The following C1GALT1 variants were observed in gnomAD, a reference collection of about 807,000 sequenced individuals.
C1GALT1 encodes the protein glycoprotein-N-acetylgalactosamine 3-beta-galactosyltransferase 1.
In C1GALT1, 11 loss-of-function variants were observed where a neutral mutation model predicts 31.0. That is an observed-to-expected ratio of 0.36 (90% CI 0.22 to 0.59). The LOEUF (loss-of-function observed/expected upper bound fraction) is 0.59. Among genes scored for constraint, C1GALT1 ranks in the 20% least tolerant of loss-of-function variants. C1GALT1 has a pLI of 0.79. For missense variants in C1GALT1, 424 were observed against 425.2 expected (o/e 1.00, Z 0.03); for synonymous variants, 175 against 143.6 (o/e 1.22, Z -1.56).
rs1783791591 is a variant in C1GALT1 at position 7,245,159 on chromosome 7, T to A, written c.*1432T>A. The stretch of plus-strand genomic sequence containing the variant: ...ATGGTACAAAGTATTTACATTTCCC[T>A]CATGTTTATCATTATGCCAATTTTA... On this transcript the variant is annotated 3_prime_UTR_variant, in exon 4 of 4. Transcript: ENST00000436587. 6.6e-6 allele frequency: 1 copy of A among 152,256 alleles called. No homozygotes were observed. The highest frequency in any genetic ancestry group is 2.4e-5 in the African/African-American group (1 of 41,464). The allele number at this position is 152,256 out of a possible 1,614,324, so 9.4% of individuals were successfully genotyped here.
At chr7:7,186,338 G>A (rs755706559) in intron 1 of C1GALT1, among the ~76,000 whole-genome samples, 1 of 152,192 alleles carries the variant, frequency 6.6e-6, no homozygotes, top group Non-Finnish European at 1.5e-5. Flanking sequence ...CTTACTATGT[G>A]CCAGGTCCTG....
At chr7:7,207,854 G>A (rs1187266352) in intron 1 of C1GALT1, among the ~76,000 whole-genome samples, 2 of 151,458 alleles carry the variant, frequency 1.3e-5, no homozygotes, top group South Asian at 2.1e-4. Context: ...GTACAATTAA[G>A]GTATTTTCAG....
intron 2 of C1GALT1, among the ~76,000 whole-genome samples, chr7:7,236,677 A>C (rs866039297): frequency 3.8e-4 from 57 of 151,798 alleles, no homozygotes; most frequent in African/African-American, 1.2e-3. Flanking sequence ...GCCCACCACT[A>C]CGCTTGGCTA....
chr7:7,241,507 C>A (rs1384554775), intron 3 of C1GALT1, among the ~76,000 whole-genome samples: 1 of 151,970 alleles, frequency 6.6e-6, no homozygotes, highest in Non-Finnish European at 1.5e-5. Context: ...TTTATCTTTG[C>A]ATACAAACTC....
chr7:7,225,803 A>C (rs930597109), intron 1 of C1GALT1, among the ~76,000 whole-genome samples: 1 of 152,204 alleles, frequency 6.6e-6, no homozygotes, highest in Non-Finnish European at 1.5e-5. Flanking sequence ...CAAGATTTAT[A>C]AATAGAGCAA....
At chr7:7,189,636 A>T (rs1780970921) in intron 1 of C1GALT1, among the ~76,000 whole-genome samples, 1 of 152,190 alleles carries the variant, frequency 6.6e-6, no homozygotes, top group Non-Finnish European at 1.5e-5. Flanking sequence ...GTACATTAAA[A>T]AAATATATTT....
upstream of C1GALT1, among the ~76,000 whole-genome samples, chr7:7,179,456 A>G (rs1780544827): frequency 6.6e-6 from 1 of 152,206 alleles, no homozygotes. Flanking sequence ...AAATGTAGGT[A>G]TTTAAAGGGA....
intron 1 of C1GALT1, among the ~76,000 whole-genome samples, chr7:7,226,755 G>A (rs1215987221): frequency 6.6e-6 from 1 of 152,078 alleles, no homozygotes; most frequent in Non-Finnish European, 1.5e-5. Flanking sequence ...AAATTTAGAG[G>A]AGTTGTGATT....
chr7:7,187,510 C>A (rs1583745653), intron 1 of C1GALT1, among the ~76,000 whole-genome samples: 1 of 151,942 alleles, frequency 6.6e-6, no homozygotes, highest in Non-Finnish European at 1.5e-5. Context: ...GAGGTTGTTA[C>A]CTGGAAACAT....
chr7:7,226,083 T>C (rs1782746732), intron 1 of C1GALT1, among the ~76,000 whole-genome samples: 1 of 152,198 alleles, frequency 6.6e-6, no homozygotes, highest in African/African-American at 2.4e-5. Flanking sequence ...TATCGAGTTT[T>C]CAGGTTGCTG....
At chr7:7,224,439 C>A (rs1011259214) in intron 1 of C1GALT1, among the ~76,000 whole-genome samples, 1 of 144,862 alleles carries the variant, frequency 6.9e-6, no homozygotes, top group South Asian at 2.2e-4. Context: ...GTAAAACCAT[C>A]TGGACCTGGA....
chr7:7,164,980 A>T (rs1780376489), intron 2 of C1GALT1, among the ~76,000 whole-genome samples: 1 of 152,190 alleles, frequency 6.6e-6, no homozygotes, highest in African/African-American at 2.4e-5. Context: ...AAAATGCCCT[A>T]GAAACCCTAG....
At chr7:7,195,136 T>C (rs1034664698) in intron 1 of C1GALT1, among the ~76,000 whole-genome samples, 1 of 152,198 alleles carries the variant, frequency 6.6e-6, no homozygotes, top group East Asian at 1.9e-4. Flanking sequence ...CATTTATCTT[T>C]TGTGTTTTTT....
intron 2 of C1GALT1, among the ~76,000 whole-genome samples, chr7:7,161,028 ATAATAATGACTACTTGTG>A (rs1780328221): frequency 6.6e-6 from 1 of 152,162 alleles, no homozygotes; most frequent in Non-Finnish European, 1.5e-5. Context: ...CTTCCAGTTT[ATAATAATGACTACTTGTG>A]TAGTCATTAC....
At chr7:7,187,271 A>G (rs963972630) in intron 1 of C1GALT1, among the ~76,000 whole-genome samples, 257 of 149,780 alleles carry the variant, frequency 1.7e-3, no homozygotes, top group African/African-American at 6.0e-3. Flanking sequence ...TTTTTTTGAG[A>G]CGGAGTCTCA....
At chr7:7,226,220 A>G (rs1393970849) in intron 1 of C1GALT1, among the ~76,000 whole-genome samples, 1 of 128,948 alleles carries the variant, frequency 7.8e-6, no homozygotes, top group African/African-American at 3.3e-5. Flanking sequence ...GGAAAATATA[A>G]AGATGTATCA....
At chr7:7,160,675 AC>A (rs1257470549) in intron 2 of C1GALT1, among the ~76,000 whole-genome samples, 1 of 152,190 alleles carries the variant, frequency 6.6e-6, no homozygotes, top group Non-Finnish European at 1.5e-5. Flanking sequence ...ATGGACACAT[AC>A]ATGCAACTCA....
At chr7:7,198,410 TG>T (rs1457793852) in intron 1 of C1GALT1, among the ~76,000 whole-genome samples, 1 of 152,234 alleles carries the variant, frequency 6.6e-6, no homozygotes, top group Non-Finnish European at 1.5e-5. Context: ...ATAAGCTTTT[TG>T]ATGTGCTGCT....
chr7:7,203,448 C>G (rs979623602), intron 1 of C1GALT1, among the ~76,000 whole-genome samples: 1 of 152,006 alleles, frequency 6.6e-6, no homozygotes, highest in African/African-American at 2.4e-5. Context: ...TTGAGAGGAC[C>G]ATGTAGGGTT....
Sources: allele counts gnomAD v4.1 joint callset (sites outside exome capture counted in the v4.1 genomes callset), GRCh38; gene constraint gnomAD v4.1.1; transcripts MANE v1.5; gene names NCBI Gene and HGNC (gene_info 2026-07-23, HGNC 2026-07-21).